CSTPP1: variants seen among roughly 807,000 people sequenced by gnomAD.
CSTPP1 encodes the protein centriolar satellite-associated tubulin polyglutamylase complex regulator 1.
chr11:46,965,209 A>G, the CSTPP1 span, among the ~76,000 whole-genome samples: 2 of 151,268 alleles, frequency 1.3e-5, no homozygotes, highest in African/African-American at 4.9e-5. Flanking sequence ...ATAGCATATT[A>G]ACACAAACAG....
At chr11:47,127,064 G>A in the CSTPP1 span, among the ~76,000 whole-genome samples, 1 of 152,196 alleles carries the variant, frequency 6.6e-6, no homozygotes, top group Non-Finnish European at 1.5e-5. Context: ...GGAAAAGCAG[G>A]TTGGGTTCCC....
chr11:47,038,051 C>T, the CSTPP1 span, among the ~76,000 whole-genome samples: 2 of 105,666 alleles, frequency 1.9e-5, no homozygotes, highest in Admixed American at 9.9e-5. Flanking sequence ...TAGGGGCGGC[C>T]GGGCAGAGGC....
At chr11:46,977,612 T>G in the CSTPP1 span, among the ~76,000 whole-genome samples, 1 of 152,254 alleles carries the variant, frequency 6.6e-6, no homozygotes, top group Non-Finnish European at 1.5e-5. Flanking sequence ...TTGTTAGGCT[T>G]TCAGCAAAGC....
chr11:47,158,856 G>A, the CSTPP1 span, among the ~76,000 whole-genome samples: 4 of 152,024 alleles, frequency 2.6e-5, no homozygotes, highest in African/African-American at 7.3e-5. Flanking sequence ...TTTGTGTCTC[G>A]AGAGATCCTC....
the CSTPP1 span, among the ~76,000 whole-genome samples, chr11:47,133,222 G>A: frequency 6.6e-6 from 1 of 152,238 alleles, no homozygotes; most frequent in Non-Finnish European, 1.5e-5. Flanking sequence ...CTCTGGTCTG[G>A]AGCCAGCCAC....
chr11:47,122,350 T>C, the CSTPP1 span, among the ~76,000 whole-genome samples: 60 of 151,492 alleles, frequency 4.0e-4, no homozygotes, highest in African/African-American at 1.4e-3. Context: ...AAACAAGGTG[T>C]AGGGAAGGAA....
the CSTPP1 span, among the ~76,000 whole-genome samples, chr11:47,072,519 TGAA>T: frequency 6.6e-6 from 1 of 152,190 alleles, no homozygotes; most frequent in African/African-American, 2.4e-5. Context: ...CTTTGTCACT[TGAA>T]GAAGGAATGT....
the CSTPP1 span, among the ~76,000 whole-genome samples, chr11:46,959,004 C>T: frequency 6.6e-6 from 1 of 152,116 alleles, no homozygotes; most frequent in South Asian, 2.1e-4. Flanking sequence ...CAAACACAAC[C>T]AGAAATGATG....
chr11:47,028,969 C>T, the CSTPP1 span, among the ~76,000 whole-genome samples: 2 of 151,964 alleles, frequency 1.3e-5, no homozygotes, highest in African/African-American at 2.4e-5. Context: ...TCCCAAGTAG[C>T]TGGGACTACA....
chr11:47,139,063 G>T, the CSTPP1 span, among the ~76,000 whole-genome samples: 1 of 135,114 alleles, frequency 7.4e-6, no homozygotes, highest in Non-Finnish European at 1.5e-5. Context: ...GTTTATCGAA[G>T]AATGCCTACC....
chr11:47,003,699 A>C, the CSTPP1 span, among the ~76,000 whole-genome samples: 1 of 152,196 alleles, frequency 6.6e-6, no homozygotes, highest in African/African-American at 2.4e-5. Flanking sequence ...AAATGTGTAC[A>C]TTTCTTCTAG....
At chr11:47,042,544 A>AAGGATTACTCAATC in the CSTPP1 span, among the ~76,000 whole-genome samples, 46 of 152,098 alleles carry the variant, frequency 3.0e-4, no homozygotes, top group African/African-American at 1.1e-3. Context: ...AATCCAGGTA[A>AAGGATTACTCAATC]AGGATATTCA....
the CSTPP1 span, chr11:46,936,958 A>C: frequency 4.9e-6 from 3 of 615,164 alleles, no homozygotes; most frequent in Admixed American, 5.6e-5. Context: ...TCCGGGTGGT[A>C]TGGGGAGGGG....
the CSTPP1 span, among the ~76,000 whole-genome samples, chr11:47,072,277 A>G: frequency 6.6e-6 from 1 of 152,162 alleles, no homozygotes; most frequent in Non-Finnish European, 1.5e-5. Context: ...AACGGTCTGG[A>G]AATTCTCATC....
At chr11:46,942,985 G>A in the CSTPP1 span, among the ~76,000 whole-genome samples, 22 of 152,254 alleles carry the variant, frequency 1.4e-4, no homozygotes, top group Admixed American at 8.5e-4. Flanking sequence ...TCCTTATTAA[G>A]GATGAGGCTC....
chr11:47,128,709 G>GTA, the CSTPP1 span, among the ~76,000 whole-genome samples: 20 of 152,206 alleles, frequency 1.3e-4, no homozygotes, highest in African/African-American at 4.6e-4. Context: ...TTTTTAAAAT[G>GTA]TATATATATT....
At chr11:46,999,848 G>T in the CSTPP1 span, among the ~76,000 whole-genome samples, 1 of 152,102 alleles carries the variant, frequency 6.6e-6, no homozygotes, top group African/African-American at 2.4e-5. Flanking sequence ...TTTCTTCTCT[G>T]GGTCTGCTTG....
chr11:46,967,483 G>T, the CSTPP1 span, among the ~76,000 whole-genome samples: 2 of 152,098 alleles, frequency 1.3e-5, no homozygotes, highest in South Asian at 4.1e-4. Flanking sequence ...TTAAAATCAG[G>T]TAGAGTAAGT....
At chr11:47,116,129 C>T in the CSTPP1 span, among the ~76,000 whole-genome samples, 5 of 152,082 alleles carry the variant, frequency 3.3e-5, no homozygotes, top group African/African-American at 4.8e-5. Flanking sequence ...TGCAGTTTTG[C>T]GTGAATTTCT....
Sources: allele counts gnomAD v4.1 joint callset (sites outside exome capture counted in the v4.1 genomes callset), GRCh38; gene constraint gnomAD v4.1.1; transcripts MANE v1.5; gene names NCBI Gene and HGNC (gene_info 2026-07-23, HGNC 2026-07-21).